Variants in DNAH6 observed in about 807,000 individuals in gnomAD.
DNAH6 encodes axonemal beta dynein heavy chain 6.
A neutral mutation model predicts 491.4 loss-of-function variants in DNAH6; 340 were observed. The ratio of observed to expected loss-of-function variants is 0.69; its 90% CI spans 0.63 to 0.76. DNAH6 has a LOEUF of 0.76. Among genes scored for constraint, DNAH6 ranks in the 30% least tolerant of loss-of-function variants. The pLI is 0.00. For missense variants in DNAH6, 4,443 were observed against 4,972.2 expected (o/e 0.89, Z 3.20); for synonymous variants, 1,603 against 1,686.1 (o/e 0.95, Z 1.21).
At chr2:84,782,771 C>T (rs1676815265) in intron 65 of DNAH6, among the ~76,000 whole-genome samples, 1 of 152,138 alleles carries the variant, frequency 6.6e-6, no homozygotes, top group South Asian at 2.1e-4. Context: ...GTCTTCAGTA[C>T]TGGTCAGGGG....
At chr2:84,779,586 C>T (rs7566739) in intron 64 of DNAH6, among the ~76,000 whole-genome samples, 10,871 of 152,076 alleles carry the variant, frequency 0.071, 674 homozygotes, top group African/African-American at 0.17. Flanking sequence ...TTTTTTTATC[C>T]AACTTGCTAC....
At chr2:84,537,521 C>T (rs1470384701) in intron 4 of DNAH6, among the ~76,000 whole-genome samples, 1 of 152,012 alleles carries the variant, frequency 6.6e-6, no homozygotes, top group Non-Finnish European at 1.5e-5. Context: ...TGCAAGGACT[C>T]CAATGGGAAA....
chr2:84,643,005 A>G (rs1400891500), intron 33 of DNAH6, among the ~76,000 whole-genome samples: 3 of 152,120 alleles, frequency 2.0e-5, no homozygotes, highest in Non-Finnish European at 4.4e-5. Flanking sequence ...TTTCTGACCT[A>G]TGTTATTTTT....
intron 64 of DNAH6, among the ~76,000 whole-genome samples, chr2:84,764,664 C>T (rs1674908856): frequency 6.6e-6 from 1 of 152,108 alleles, no homozygotes. Context: ...ATAATTTCAA[C>T]TTTTAGACTT....
chr2:84,710,862 A>G (rs760676691), intron 56 of DNAH6, among the ~76,000 whole-genome samples: 7 of 152,072 alleles, frequency 4.6e-5, no homozygotes, highest in African/African-American at 9.7e-5. Flanking sequence ...AAAAAAAAAA[A>G]AAGAAGAAGA....
At chr2:84,742,190 T>C (rs1310797396) in intron 62 of DNAH6, among the ~76,000 whole-genome samples, 3 of 152,210 alleles carry the variant, frequency 2.0e-5, no homozygotes, top group African/African-American at 7.2e-5. Flanking sequence ...ATACATCTTC[T>C]AATATTAATA....
intron 45 of DNAH6, 75 bp from the exon 46 acceptor site, chr2:84,694,174 G>T: frequency 7.4e-7 from 1 of 1,353,932 alleles, no homozygotes; most frequent in Non-Finnish European, 1.0e-6. Flanking sequence ...ACCAGCCTTT[G>T]GCTCTGGGGC....
chr2:84,662,202 C>G (rs1691576540), intron 37 of DNAH6, among the ~76,000 whole-genome samples: 1 of 152,212 alleles, frequency 6.6e-6, no homozygotes, highest in African/African-American at 2.4e-5. Context: ...CCAGCATGAG[C>G]AATGCAGAAG....
intron 29 of DNAH6, among the ~76,000 whole-genome samples, chr2:84,633,548 G>T (rs1688596215): frequency 1.3e-5 from 2 of 151,948 alleles, no homozygotes; most frequent in Admixed American, 1.3e-4. Flanking sequence ...TATTCATGTT[G>T]CATGAATTGC....
intron 59 of DNAH6, among the ~76,000 whole-genome samples, chr2:84,722,198 G>GC (rs1698226470): frequency 6.6e-6 from 1 of 152,156 alleles, no homozygotes; most frequent in Non-Finnish European, 1.5e-5. Context: ...CTGCCTCCCA[G>GC]CCACTCTCTA....
At chr2:84,771,288 CAAA>C (rs996933035) in intron 64 of DNAH6, among the ~76,000 whole-genome samples, 1 of 117,594 alleles carries the variant, frequency 8.5e-6, no homozygotes, top group African/African-American at 3.1e-5. Flanking sequence ...AACTCAGTCT[CAAA>C]AAAAAAAAAC....
chr2:84,593,616 C>T (rs1317414389), intron 16 of DNAH6, among the ~76,000 whole-genome samples: 1 of 152,126 alleles, frequency 6.6e-6, no homozygotes, highest in African/African-American at 2.4e-5. Flanking sequence ...GAAATCAGTG[C>T]CTCTAAAGAC....
chr2:84,658,402 C>T lies in DNAH6; in HGVS notation c.5868C>T (p.Ile1956=), dbSNP rs1691183337. The change falls in exon 36 of 77, where the codon ATC becomes ATT. Residue 1956 remains isoleucine, a synonymous_variant. Coordinates refer to ENST00000389394, the MANE Select transcript of DNAH6 (RefSeq NM_001370.2). ...KCSQAIPQVD[I]SKVTTLCCLL... Reference sequence around the variant, plus strand: ...GCCAAGCAATTCCACAAGTGGACATCAGCAAAGTTACTACACTCTGTTGCT... The same window carrying T: ...GCCAAGCAATTCCACAAGTGGACATTAGCAAAGTTACTACACTCTGTTGCT... 1.3e-6 allele frequency: 2 copies of T among 1,549,038 alleles called. No homozygotes were observed. Among genetic ancestry groups the T allele is most frequent in the African/African-American group, 1.4e-5 (1 of 72,908 alleles).
At chr2:84,766,425 C>T (rs755090658) in intron 64 of DNAH6, among the ~76,000 whole-genome samples, 53 of 152,170 alleles carry the variant, frequency 3.5e-4, no homozygotes, top group Admixed American at 7.9e-4. Context: ...TCTGCACATC[C>T]ATGTGTTAAA....
chr2:84,712,709 A>G (rs564668081), intron 56 of DNAH6, among the ~76,000 whole-genome samples: 2 of 152,368 alleles, frequency 1.3e-5, no homozygotes, highest in African/African-American at 4.8e-5. Context: ...GATTTGGCCT[A>G]TAGGCTGTCA....
At chr2:84,794,255 A>G (rs1678084310) in intron 68 of DNAH6, among the ~76,000 whole-genome samples, 1 of 152,230 alleles carries the variant, frequency 6.6e-6, no homozygotes. Flanking sequence ...ACCATTCAGG[A>G]CATAGGCATG....
At chr2:84,659,587 A>G (rs1691293367) in intron 37 of DNAH6, among the ~76,000 whole-genome samples, 1 of 152,214 alleles carries the variant, frequency 6.6e-6, no homozygotes, top group South Asian at 2.1e-4. Flanking sequence ...GGGATTTACA[A>G]ATATGTATGG....
intron 11 of DNAH6, among the ~76,000 whole-genome samples, chr2:84,569,539 C>A (rs1377461373): frequency 6.6e-6 from 1 of 151,898 alleles, no homozygotes; most frequent in Non-Finnish European, 1.5e-5. Flanking sequence ...AAGAAATAAA[C>A]CCACATGTAT....
intron 55 of DNAH6, among the ~76,000 whole-genome samples, 153 bp downstream of exon 55, chr2:84,709,699 G>A (rs1677990191): frequency 6.6e-6 from 1 of 152,146 alleles, no homozygotes; most frequent in South Asian, 2.1e-4. Context: ...AAGTCCTATA[G>A]TCCAAGTCCC....
Sources: gnomAD v4.1 joint callset for allele counts (sites outside exome capture counted in the v4.1 genomes callset) on GRCh38, gnomAD v4.1.1 for gene constraint, MANE v1.5 for transcripts, NCBI Gene and HGNC (gene_info 2026-07-23, HGNC 2026-07-21) for gene names.